ST6GAL1: variants seen among roughly 807,000 people sequenced by gnomAD.
ST6GAL1 encodes the protein ST6 beta-galactoside alpha-2,6-sialyltransferase 1.
Under a neutral mutation model 38.0 loss-of-function variants are expected in ST6GAL1, and 20 were observed. That is an observed-to-expected ratio of 0.53 (90% CI 0.37 to 0.77). The LOEUF (loss-of-function observed/expected upper bound fraction) is 0.77. ST6GAL1 is among the 30% of genes least tolerant of loss of function. The pLI is 0.00. For missense variants in ST6GAL1, 432 were observed against 496.4 expected, an observed-to-expected ratio of 0.87 and a Z score of 1.23; for synonymous variants, 196 against 188.2, an observed-to-expected ratio of 1.04 and a Z score of -0.34.
chr3:187,019,123 A>G (rs1717212674), intron 2 of ST6GAL1, among the ~76,000 whole-genome samples: 2 of 152,216 alleles, frequency 1.3e-5, no homozygotes, highest in African/African-American at 4.8e-5. Flanking sequence ...TTAGTCGACA[A>G]CATCTTTCAA....
At chr3:187,058,921 G>A (rs9883086) in intron 5 of ST6GAL1, among the ~76,000 whole-genome samples, 15,080 of 152,114 alleles carry the variant, frequency 0.099, 2,513 homozygotes, top group African/African-American at 0.34. Context: ...TATTACAGGC[G>A]TGAGCCATCG....
chr3:186,981,135 T>C (rs1322427437), intron 2 of ST6GAL1, among the ~76,000 whole-genome samples: 1 of 152,222 alleles, frequency 6.6e-6, no homozygotes, highest in Admixed American at 6.5e-5. Context: ...GCAAAGTTCA[T>C]CTGAGCAAAG....
chr3:187,060,178 G>A (rs1211842430), intron 5 of ST6GAL1, among the ~76,000 whole-genome samples: 1 of 152,042 alleles, frequency 6.6e-6, no homozygotes, highest in Non-Finnish European at 1.5e-5. Flanking sequence ...TTTTTCAGTG[G>A]GGGTAGGGGG....
chr3:186,934,914 C>T (rs1713892013), intron 1 of ST6GAL1, among the ~76,000 whole-genome samples: 1 of 151,914 alleles, frequency 6.6e-6, no homozygotes, highest in Non-Finnish European at 1.5e-5. Context: ...CTACAGGTGC[C>T]CGCCACCACG....
chr3:186,946,587 C>T (rs951839893), intron 1 of ST6GAL1, among the ~76,000 whole-genome samples: 12 of 152,242 alleles, frequency 7.9e-5, no homozygotes, highest in Admixed American at 5.2e-4. Flanking sequence ...TATCCTTTCA[C>T]GCATGCTTTC....
rs1227298927 is a variant in ST6GAL1, at chr3:187,078,234, C to A, written c.*2431C>A. 1 of 152,378 alleles carries A rather than the reference C, an allele frequency of 6.6e-6. No homozygotes were observed. The highest frequency in any genetic ancestry group is 2.4e-5 in the African/African-American group (1 of 41,324). 9.4% of individuals were successfully genotyped at this position (152,378 alleles called of 1,614,324 possible). ...TCTGAAGTCTACAGAACTTTTAGTT[C>A]TGTGCTGTCTATGTGGACACTTTGG... On this transcript the variant is annotated 3_prime_UTR_variant, in exon 8 of 8. Coordinates refer to ENST00000169298, the MANE Select transcript of ST6GAL1 (RefSeq NM_173216.2).
intron 2 of ST6GAL1, among the ~76,000 whole-genome samples, chr3:186,968,720 AATTT>A (rs1267517720): frequency 2.6e-5 from 4 of 152,196 alleles, no homozygotes; most frequent in African/African-American, 4.8e-5. Flanking sequence ...GATATACCAC[AATTT>A]ATTTATCCAT....
intron 2 of ST6GAL1, among the ~76,000 whole-genome samples, chr3:187,011,713 A>G (rs1376290172): frequency 6.6e-6 from 1 of 152,160 alleles, no homozygotes; most frequent in African/African-American, 2.4e-5. Flanking sequence ...GTAACCATTT[A>G]TCCTTTTAAC....
chr3:187,074,223 A>G lies in ST6GAL1; in HGVS notation c.869A>G (p.Asn290Ser), dbSNP rs780126474. Residue 290 changes from asparagine to serine, a missense_variant, in exon 7 of 8, where the codon AAT (asparagine) becomes AGT (serine). By Grantham distance (46) the Asn-to-Ser change is conservative. Transcript: ENST00000169298. ...AAGACTTATCGTAAGCTGCACCCCA[A>G]TCAGCCCTTTTACATCCTCAAGCCC... ...NYKTYRKLHP[N>S]QPFYILKPQM... 84 of 1,612,846 alleles carry G rather than the reference A, an allele frequency of 5.2e-5. No homozygotes were observed. The highest frequency in any genetic ancestry group is 7.1e-5 in the Non-Finnish European group (84 of 1,179,574).
chr3:187,047,090 T>C (rs1213566306), intron 4 of ST6GAL1, among the ~76,000 whole-genome samples: 3 of 151,968 alleles, frequency 2.0e-5, no homozygotes, highest in Admixed American at 6.6e-5. Context: ...GGACTACAGG[T>C]GCCTGCCACC....
chr3:186,933,503 G>A (rs907621156), intron 1 of ST6GAL1, among the ~76,000 whole-genome samples: 2 of 152,212 alleles, frequency 1.3e-5, no homozygotes, highest in African/African-American at 2.4e-5. Context: ...CTGCATGGCC[G>A]AGCGAGCACA....
chr3:186,988,712 G>A (rs1716044177), intron 2 of ST6GAL1, among the ~76,000 whole-genome samples: 1 of 152,058 alleles, frequency 6.6e-6, no homozygotes, highest in Non-Finnish European at 1.5e-5. Context: ...TCAGAAGTTC[G>A]AGACCAGCCT....
chr3:187,039,903 CAGGCTGTGAAGGCTG>C (rs1226949200), intron 3 of ST6GAL1, among the ~76,000 whole-genome samples: 2 of 152,202 alleles, frequency 1.3e-5, no homozygotes, highest in Non-Finnish European at 2.9e-5. Flanking sequence ...TGACAGAGCA[CAGGCTGTGAAGGCTG>C]AGGCTGTCTG....
At chr3:187,000,677 C>T (rs1441355651) in intron 2 of ST6GAL1, among the ~76,000 whole-genome samples, 3 of 152,198 alleles carry the variant, frequency 2.0e-5, no homozygotes, top group Admixed American at 6.5e-5. Context: ...TTTGCTTGTT[C>T]CTATGGCTAG....
chr3:187,028,654 C>T (rs1341557291), intron 2 of ST6GAL1, among the ~76,000 whole-genome samples: 2 of 152,002 alleles, frequency 1.3e-5, no homozygotes, highest in African/African-American at 2.4e-5. Context: ...TCCAATATCC[C>T]CATTTGTCCC....
chr3:186,945,518 T>C (rs188459047), intron 1 of ST6GAL1, among the ~76,000 whole-genome samples: 82 of 152,010 alleles, frequency 5.4e-4, no homozygotes, highest in Non-Finnish European at 3.2e-4. Flanking sequence ...GAAGGCATAG[T>C]GGAAGGTCAA....
At chr3:186,941,793 A>G (rs1693679634) in intron 1 of ST6GAL1, among the ~76,000 whole-genome samples, 1 of 152,122 alleles carries the variant, frequency 6.6e-6, no homozygotes, top group Non-Finnish European at 1.5e-5. Context: ...CAGGCGGATC[A>G]TGAGGTCAGG....
rs566443306 is a variant in ST6GAL1, at chr3:186,973,807, G to C, written c.-183+9881G>C. ...AAAACGGGACATGTGCCTTACCCAA[G>C]TTCAGTCAGCGAAGAGTGTCCATTC... On this transcript the variant is annotated intron_variant, in intron 2 of 7. Coordinates refer to ENST00000169298, the MANE Select transcript of ST6GAL1 (RefSeq NM_173216.2). Among the ~76,000 whole-genome samples, 6 of 152,286 alleles carry C rather than the reference G, an allele frequency of 3.9e-5. No individual in the cohort carries two copies. In the South Asian group the frequency reaches 1.2e-3, roughly 32 times the overall value.
intron 1 of ST6GAL1, among the ~76,000 whole-genome samples, chr3:186,963,256 C>T (rs1714991455): frequency 6.6e-6 from 1 of 152,096 alleles, no homozygotes; most frequent in Non-Finnish European, 1.5e-5. Context: ...CGGAGTTTCG[C>T]TCTTGTTGTC....
Sources: allele counts gnomAD v4.1 joint callset (sites outside exome capture counted in the v4.1 genomes callset), GRCh38; gene constraint gnomAD v4.1.1; transcripts MANE v1.5; gene names NCBI Gene and HGNC (gene_info 2026-07-23, HGNC 2026-07-21).